CELF5: variants seen among roughly 807,000 people sequenced by gnomAD.
CELF5 encodes CUG-BP and ETR-3 like factor 5.
CELF5 carries 6 observed loss-of-function variants against 54.9 expected under a neutral mutation model. The ratio of observed to expected loss-of-function variants is 0.11; its 90% CI spans 0.06 to 0.22. The LOEUF (loss-of-function observed/expected upper bound fraction) is 0.22, where lower values mean the gene tolerates loss of function less well. Among genes scored for constraint, CELF5 ranks in the 10% least tolerant of loss-of-function variants. The pLI is 1.00. For synonymous variants in CELF5, 271 were observed against 290.9 expected (o/e 0.93, Z 0.70); for missense variants, 401 against 678.6 (o/e 0.59, Z 4.54).
intron 10 of CELF5, among the ~76,000 whole-genome samples, chr19:3,289,452 C>T (rs964338490): frequency 3.3e-5 from 5 of 151,964 alleles, no homozygotes; most frequent in Non-Finnish European, 7.4e-5. Flanking sequence ...GAGGCCAAGG[C>T]GGGCAGATCA....
At chr19:3,248,905 C>CCTTCCTTCCTTCCTTTCTTT (rs1491140762) in intron 1 of CELF5, among the ~76,000 whole-genome samples, 3 of 94,158 alleles carry the variant, frequency 3.2e-5, no homozygotes, top group East Asian at 5.4e-4. Context: ...TTCCTTCCTT[C>CCTTCCTTCCTTCCTTTCTTT]CTTTCTTTCT....
chr19:3,285,870 C>A (rs560269430), intron 9 of CELF5, 72 bp from the exon 10 acceptor site: 3 of 1,128,776 alleles, frequency 2.7e-6, no homozygotes, highest in Middle Eastern at 2.7e-4. Flanking sequence ...GCCCCCTCCC[C>A]GCCCAGCGGC....
intron 1 of CELF5, among the ~76,000 whole-genome samples, chr19:3,232,551 T>A (rs1450311862): frequency 6.6e-6 from 1 of 150,892 alleles, no homozygotes; most frequent in Non-Finnish European, 1.5e-5. Context: ...ACAGAGTGAG[T>A]CTGTAAAGAA....
intron 1 of CELF5, among the ~76,000 whole-genome samples, chr19:3,226,658 G>C (rs1240448740): frequency 6.6e-6 from 1 of 152,112 alleles, no homozygotes; most frequent in Non-Finnish European, 1.5e-5. Context: ...GAATGGGGGA[G>C]TCCACATGGC....
intron 1 of CELF5, among the ~76,000 whole-genome samples, chr19:3,246,533 A>C (rs1420781246): frequency 6.6e-6 from 1 of 151,646 alleles, no homozygotes; most frequent in Non-Finnish European, 1.5e-5. Flanking sequence ...GCAAGACCCC[A>C]TCTCTAATAA....
chr19:3,286,106 G>C lies in CELF5; in HGVS notation c.1186+81G>C, dbSNP rs1244383550. 9 of 1,250,786 alleles carry C rather than the reference G, an allele frequency of 7.2e-6. No homozygotes were observed. The South Asian group carries it at 8.2e-5, about 11-fold the overall frequency. 77.5% of individuals were successfully genotyped at this position (1,250,786 alleles called of 1,614,324 possible). A position where few individuals can be genotyped will look rare whatever the true frequency, so the allele number is the denominator to read the frequency against. On this transcript the variant is annotated intron_variant, in intron 10 of 12. Transcript: ENST00000292672. The stretch of plus-strand genomic sequence containing the variant: ...CACCTGCAGGCTCCGTGTCTGGCCC[G>C]GGCCTCTGGGACCCGCGGGGCTGAG...
chr19:3,283,687 A>T (rs1052671178), intron 8 of CELF5, among the ~76,000 whole-genome samples: 3 of 152,044 alleles, frequency 2.0e-5, no homozygotes, highest in Non-Finnish European at 2.9e-5. Context: ...TTACCAAAAT[A>T]CCACAGAGCA....
intron 2 of CELF5, among the ~76,000 whole-genome samples, chr19:3,255,312 G>A (rs987495287): frequency 6.6e-6 from 1 of 152,170 alleles, no homozygotes; most frequent in Non-Finnish European, 1.5e-5. Context: ...AGCCTCCTGA[G>A]TAGCTGGGAT....
chr19:3,277,909 C>A lies in CELF5; in HGVS notation c.524-122C>A. ...GCTGGCTGTCTTTCTGTTATCAGTTCTCTCTGGCTGCATGTGTCTGACACT... is the reference window on the plus strand; with the variant it reads ...GCTGGCTGTCTTTCTGTTATCAGTTATCTCTGGCTGCATGTGTCTGACACT... On this transcript the variant is annotated intron_variant, in intron 4 of 12. Coordinates refer to ENST00000292672, the MANE Select transcript of CELF5 (RefSeq NM_021938.4). The A allele has an allele frequency of 4.3e-6, 3 of 700,552 alleles. No individual in the cohort carries two copies. In the South Asian group the frequency reaches 5.2e-5, roughly 12 times the overall value. 43.4% of individuals were successfully genotyped at this position (700,552 alleles called of 1,614,324 possible). A position where few individuals can be genotyped will look rare whatever the true frequency, so the allele number is the denominator to read the frequency against.
intron 2 of CELF5, among the ~76,000 whole-genome samples, chr19:3,251,709 T>C (rs57300440): frequency 0.19 from 27,420 of 144,782 alleles, 3,134 homozygotes; most frequent in East Asian, 0.53. Context: ...GAGTCTCGCT[T>C]TGTCACCCAC....
chr19:3,231,781 A>T lies in CELF5; in HGVS notation c.259+6783A>T, dbSNP rs1171698856. 2.5e-5 allele frequency among the ~76,000 whole-genome samples: 3 copies of T among 118,430 alleles called. No individual in the cohort carries two copies. In the East Asian group the frequency reaches 8.7e-4, roughly 34 times the overall value. 77.7% of individuals were successfully genotyped at this position (118,430 alleles called of 152,430 possible). On this transcript the variant is annotated intron_variant, in intron 1 of 12. Coordinates refer to ENST00000292672, the MANE Select transcript of CELF5 (RefSeq NM_021938.4). ...GGGTGGGTGGGTGGGTTGGTGGGTC[A>T]ATGAGTGCATGGATGGATGGATGGG...
chr19:3,271,886 C>T (rs1380324821), intron 2 of CELF5, among the ~76,000 whole-genome samples: 1 of 152,022 alleles, frequency 6.6e-6, no homozygotes, highest in East Asian at 1.9e-4. Flanking sequence ...GGGGAGGAGG[C>T]ATTATTTATG....
At chr19:3,230,617 G>A (rs1456686152) in intron 1 of CELF5, among the ~76,000 whole-genome samples, 1 of 152,174 alleles carries the variant, frequency 6.6e-6, no homozygotes, top group Non-Finnish European at 1.5e-5. Flanking sequence ...TGAGGGCACT[G>A]GGGAGCCATG....
intron 2 of CELF5, among the ~76,000 whole-genome samples, chr19:3,262,721 G>C (rs1021694883): frequency 5.3e-5 from 8 of 150,952 alleles, no homozygotes; most frequent in African/African-American, 1.5e-4. Context: ...GAGGCCGAGG[G>C]GGGTGGATCA....
At chr19:3,248,258 T>C (rs1241277950) in intron 1 of CELF5, among the ~76,000 whole-genome samples, 1 of 152,144 alleles carries the variant, frequency 6.6e-6, no homozygotes, top group African/African-American at 2.4e-5. Flanking sequence ...TGGGCTCAAG[T>C]GATCCTCCCA....
intron 4 of CELF5, 24 bp downstream of exon 4, chr19:3,276,008 G>A: frequency 7.5e-7 from 1 of 1,330,004 alleles, no homozygotes; most frequent in Non-Finnish European, 1.0e-6. Flanking sequence ...GCCGGGGCGG[G>A]ACTGCGAGAG....
intron 2 of CELF5, among the ~76,000 whole-genome samples, chr19:3,261,766 A>G (rs1241951503): frequency 6.6e-6 from 1 of 152,140 alleles, no homozygotes; most frequent in East Asian, 1.9e-4. Context: ...GGCTATAGTG[A>G]GCTAGGATTG....
At chr19:3,263,748 T>C (rs2145192065) in intron 2 of CELF5, among the ~76,000 whole-genome samples, 1 of 150,336 alleles carries the variant, frequency 6.7e-6, no homozygotes, top group Non-Finnish European at 1.5e-5. Context: ...CTACTAAAAA[T>C]ACAAAAATGA....
At chr19:3,238,558 G>T (rs1347205793) in intron 1 of CELF5, among the ~76,000 whole-genome samples, 1 of 152,126 alleles carries the variant, frequency 6.6e-6, no homozygotes, top group African/African-American at 2.4e-5. Context: ...GGGGACTCCG[G>T]GTGTCCTTGG....
Sources: gnomAD v4.1 joint callset for allele counts (sites outside exome capture counted in the v4.1 genomes callset) on GRCh38, gnomAD v4.1.1 for gene constraint, MANE v1.5 for transcripts, NCBI Gene and HGNC (gene_info 2026-07-23, HGNC 2026-07-21) for gene names.